DMD: variants seen among roughly 807,000 people sequenced by gnomAD.
DMD encodes the protein dystrophin, also known as mutant dystrophin.
Under a neutral mutation model 330.1 loss-of-function variants are expected in DMD, and 63 were observed. The observed-to-expected ratio is 0.19, with a 90% CI of 0.16 to 0.24. The LOEUF is 0.24. Ranked by LOEUF, DMD falls within the 10% of genes least tolerant of loss-of-function variation. The probability of loss-of-function intolerance (pLI) is 1.00; values close to 1 mark genes in which losing one functional copy is unlikely to be tolerated. For synonymous variants in DMD, 1,223 were observed against 959.8 expected, an observed-to-expected ratio of 1.27 and a Z score of -5.07; for missense variants, 3,344 against 2,684.1, an observed-to-expected ratio of 1.25 and a Z score of -5.43.
intron 2 of DMD, among the ~76,000 whole-genome samples, chrX:32,893,024 T>A (rs2085358875): frequency 8.9e-6 from 1 of 112,141 alleles, no homozygotes; most frequent in Non-Finnish European, 1.9e-5. Flanking sequence ...GAGGTAATGC[T>A]AAAAGCAAGG....
At chrX:33,099,856 T>C (rs776550120) in intron 1 of DMD, among the ~76,000 whole-genome samples, 1 of 111,029 alleles carries the variant, frequency 9.0e-6, no homozygotes, top group East Asian at 2.8e-4. Flanking sequence ...CCAAGAAAAA[T>C]CGACATAGTT....
chrX:32,556,816 T>C (rs1354501971), intron 16 of DMD, among the ~76,000 whole-genome samples: 1 of 112,051 alleles, frequency 8.9e-6, no homozygotes, highest in Non-Finnish European at 1.9e-5. Context: ...TATGCTGGGA[T>C]AAGAGATTTC....
At chrX:32,553,524 C>A (rs1479329879) in intron 16 of DMD, among the ~76,000 whole-genome samples, 3 of 110,617 alleles carry the variant, frequency 2.7e-5, no homozygotes, top group African/African-American at 9.9e-5. Context: ...TGCAATTTAT[C>A]TATATGACAA....
At chrX:32,821,825 G>A (rs1356195497) in intron 5 of DMD, among the ~76,000 whole-genome samples, 1 of 110,087 alleles carries the variant, frequency 9.1e-6, no homozygotes, top group Non-Finnish European at 1.9e-5. Context: ...GACTGTAAAT[G>A]GAGAAGAAAC....
At chrX:32,688,312 A>G (rs1486264320) in intron 9 of DMD, among the ~76,000 whole-genome samples, 2 of 112,214 alleles carry the variant, frequency 1.8e-5, no homozygotes, top group Non-Finnish European at 3.8e-5. Flanking sequence ...AAGAGACAAA[A>G]AAGTCATTTT....
chrX:33,041,554 G>C, intron 1 of DMD: 2 of 1,208,380 alleles, frequency 1.7e-6, no homozygotes, highest in Non-Finnish European at 2.2e-6. Flanking sequence ...CAAAAAGCAG[G>C]CAGAGATCCT....
At position 31,601,819 on chromosome X, in the gene DMD, A is replaced by G. The variant is rs770346933; in HGVS notation, c.8217+25854T>C. Among the ~76,000 whole-genome samples the G allele has an allele frequency of 5.4e-5, 6 of 111,620 alleles. No individual in the cohort carries two copies. The South Asian group carries it at 2.3e-3, about 42-fold the overall frequency. On this transcript the variant is annotated intron_variant, in intron 55 of 78. Transcript: ENST00000357033. ...TAACCATATTTTGGGAAGCAATTAAACACCTCACATGGACAAAAATCATAT... is the reference window on the plus strand; with the variant it reads ...TAACCATATTTTGGGAAGCAATTAAGCACCTCACATGGACAAAAATCATAT...
At chrX:32,976,698 G>A (rs905567499) in intron 2 of DMD, among the ~76,000 whole-genome samples, 1 of 111,639 alleles carries the variant, frequency 9.0e-6, no homozygotes, top group African/African-American at 3.3e-5. Context: ...GTCTACTTCT[G>A]TGGTTTTAGG....
chrX:32,062,700 C>G (rs2096234592), intron 44 of DMD, among the ~76,000 whole-genome samples: 2 of 111,068 alleles, frequency 1.8e-5, no homozygotes, highest in African/African-American at 6.5e-5. Context: ...AAACAAGCAG[C>G]TTGCCATATG....
intron 55 of DMD, among the ~76,000 whole-genome samples, chrX:31,510,659 C>T (rs1008514358): frequency 9.2e-6 from 1 of 109,161 alleles, no homozygotes; most frequent in Non-Finnish European, 1.9e-5. Flanking sequence ...AGGCGCCCGC[C>T]ACCACGCCTG....
intron 38 of DMD, among the ~76,000 whole-genome samples, chrX:32,347,209 A>G (rs73619058): frequency 0.18 from 19,443 of 110,895 alleles, 1,583 homozygotes; most frequent in African/African-American, 0.3. Context: ...GACACATCAT[A>G]TACTTATAGT....
chrX:32,526,979 G>A (rs1034610173), intron 17 of DMD, among the ~76,000 whole-genome samples: 5 of 112,039 alleles, frequency 4.5e-5, no homozygotes, highest in Non-Finnish European at 9.4e-5. Context: ...TGTAAACTTT[G>A]AGAGTGGAAG....
intron 1 of DMD, among the ~76,000 whole-genome samples, chrX:33,089,024 C>T (rs960053408): frequency 2.8e-4 from 30 of 107,847 alleles, no homozygotes; most frequent in African/African-American, 8.8e-4. Context: ...CGAATATTGG[C>T]GCCATGAGGA....
chrX:32,694,900 C>T (rs2063536765), intron 9 of DMD, among the ~76,000 whole-genome samples: 1 of 111,755 alleles, frequency 8.9e-6, no homozygotes, highest in Non-Finnish European at 1.9e-5. Flanking sequence ...GGTGATCCAC[C>T]CACCTTGGCC....
At chrX:31,392,809 A>C (rs908628304) in intron 60 of DMD, among the ~76,000 whole-genome samples, 2 of 112,603 alleles carry the variant, frequency 1.8e-5, no homozygotes, top group African/African-American at 6.5e-5. Flanking sequence ...GAGGCATCAC[A>C]AAAGCTTCCA....
intron 27 of DMD, among the ~76,000 whole-genome samples, chrX:32,445,695 A>T (rs1471648665): frequency 9.0e-6 from 1 of 110,685 alleles, no homozygotes; most frequent in Non-Finnish European, 1.9e-5. Context: ...CATGTTTATT[A>T]CTCATTAAGT....
intron 1 of DMD, among the ~76,000 whole-genome samples, chrX:33,135,085 A>T (rs750981849): frequency 8.9e-6 from 1 of 112,117 alleles, no homozygotes; most frequent in Non-Finnish European, 1.9e-5. Flanking sequence ...CCAACTCTTG[A>T]TAAGATAGTT....
At chrX:32,249,735 A>G (rs1392601359) in intron 43 of DMD, among the ~76,000 whole-genome samples, 1 of 111,680 alleles carries the variant, frequency 9.0e-6, no homozygotes, top group Non-Finnish European at 1.9e-5. Context: ...TATTCGACAC[A>G]AAATGAAGGC....
intron 29 of DMD, among the ~76,000 whole-genome samples, chrX:32,433,418 C>T (rs916156820): frequency 3.2e-4 from 36 of 111,882 alleles, no homozygotes; most frequent in African/African-American, 1.2e-3. Flanking sequence ...TGGCTCACGC[C>T]TGTAATTCAA....
Sources: gnomAD v4.1 joint callset for allele counts (sites outside exome capture counted in the v4.1 genomes callset) on GRCh38, gnomAD v4.1.1 for gene constraint, MANE v1.5 for transcripts, NCBI Gene and HGNC (gene_info 2026-07-23, HGNC 2026-07-21) for gene names.